Variants in NRXN1 observed in about 807,000 individuals in gnomAD.
NRXN1 encodes the protein neurexin-1.
A neutral mutation model predicts 150.9 loss-of-function variants in NRXN1; 39 were observed. That is an observed-to-expected ratio of 0.26 (90% CI 0.20 to 0.34). NRXN1 has a LOEUF of 0.34. NRXN1 is among the 10% of genes least tolerant of loss of function. NRXN1 has a pLI of 1.00. For missense variants in NRXN1, 1,815 were observed against 1,949.9 expected (o/e 0.93, Z 1.30); for synonymous variants, 924 against 757.0 (o/e 1.22, Z -3.62).
chr2:50,183,351 G>A (rs960391248), intron 18 of NRXN1, among the ~76,000 whole-genome samples: 10 of 151,982 alleles, frequency 6.6e-5, no homozygotes, highest in African/African-American at 2.4e-4. Context: ...ATCGACAAGT[G>A]TAATAAAATT....
intron 5 of NRXN1, among the ~76,000 whole-genome samples, chr2:50,694,913 G>C (rs1311744717): frequency 2.0e-5 from 3 of 152,112 alleles, no homozygotes; most frequent in African/African-American, 7.2e-5. Flanking sequence ...TTTAGATCCT[G>C]GTGACTGTTC....
In NRXN1 at chr2:51,027,921, C is replaced by T. The variant is rs796052775; in HGVS notation, c.353G>A (p.Arg118His). Residue 118 changes from arginine (R) to histidine (H), a missense_variant, in exon 2 of 23, where the codon CGC becomes CAC. Transcript: ENST00000401669. ...GGTGTTGCGGAACTGGCGGCGGATG[C>T]GCACGCTGTGCCAGGCGCCGTCGTT... ...PVNDGAWHSVRIRRQFRNTTL... is the reference protein window; with the variant it reads ...PVNDGAWHSVHIRRQFRNTTL... 5.6e-6 allele frequency: 9 copies of T among 1,606,774 alleles called. No homozygotes were observed. Among genetic ancestry groups the T allele is most frequent in the African/African-American group, 1.3e-5 (1 of 74,908 alleles).
intron 5 of NRXN1, among the ~76,000 whole-genome samples, chr2:50,887,524 C>G (rs756742399): frequency 1.1e-4 from 16 of 151,330 alleles, no homozygotes; most frequent in Admixed American, 5.3e-4. Context: ...GAGAAAATGG[C>G]TCCAATCATT....
At chr2:50,525,769 C>A (rs2092934644) in intron 12 of NRXN1, among the ~76,000 whole-genome samples, 1 of 152,092 alleles carries the variant, frequency 6.6e-6, no homozygotes, top group South Asian at 2.1e-4. Flanking sequence ...TGAAAAGAGG[C>A]TCTCTTCTTC....
intron 21 of NRXN1, among the ~76,000 whole-genome samples, chr2:50,010,378 TGGAG>T (rs1685459015): frequency 6.6e-6 from 1 of 152,156 alleles, no homozygotes; most frequent in Admixed American, 6.5e-5. Context: ...CAGGCTTCCT[TGGAG>T]CCTGATGTTA....
chr2:50,516,105 G>C (rs2092623482), intron 12 of NRXN1, among the ~76,000 whole-genome samples: 1 of 152,128 alleles, frequency 6.6e-6, no homozygotes. Flanking sequence ...GAATCAGCTA[G>C]AACATTCAAT....
chr2:50,503,026 G>T (rs1280032849), intron 13 of NRXN1, among the ~76,000 whole-genome samples: 1 of 152,054 alleles, frequency 6.6e-6, no homozygotes, highest in East Asian at 1.9e-4. Flanking sequence ...GTAAGAAAAG[G>T]GCCAGGCACG....
chr2:50,042,637 C>T lies in NRXN1; in HGVS notation c.4128+10634G>A, dbSNP rs368356040. Among the ~76,000 whole-genome samples, 8 of 152,000 alleles carry T rather than the reference C, an allele frequency of 5.3e-5. 1 individual carries two copies. The highest frequency in any genetic ancestry group is 1.3e-4 in the Admixed American group (2 of 15,256). On this transcript the variant is annotated intron_variant, in intron 21 of 22. Transcript: ENST00000401669. ...CTGTGTTCATTATTTATTCAAAAAC[C>T]ACTTACTAAGTGTCCTTTTTGTATC...
Position 50,539,194 on chromosome 2 carries a change from C to T in NRXN1, c.1760-558G>A, listed in dbSNP as rs79954958. ...TTTTGTTTCCCTTACTCATAATATG[C>T]GCATAATAATATTACCTACCTTATA... On this transcript the variant is annotated intron_variant, in intron 9 of 22. Coordinates refer to ENST00000401669, the MANE Select transcript of NRXN1 (RefSeq NM_001330078.2). 6.7e-3 allele frequency among the ~76,000 whole-genome samples: 1,012 copies of T among 152,168 alleles called. 6 individuals carry two copies. Among genetic ancestry groups the T allele is most frequent in the African/African-American group, 0.022 (929 of 41,520 alleles).
At chr2:50,867,189 T>A (rs952233882) in intron 5 of NRXN1, among the ~76,000 whole-genome samples, 5 of 151,894 alleles carry the variant, frequency 3.3e-5, no homozygotes, top group Non-Finnish European at 7.4e-5. Context: ...AATATATTCT[T>A]CTTTAAACAT....
intron 15 of NRXN1, among the ~76,000 whole-genome samples, chr2:50,491,320 C>A (rs551704633): frequency 1.3e-5 from 2 of 152,176 alleles, no homozygotes; most frequent in Non-Finnish European, 2.9e-5. Context: ...GTAATAGCAA[C>A]TGGTCAGAGA....
chr2:50,890,644 G>A (rs143744381), intron 5 of NRXN1, among the ~76,000 whole-genome samples: 311 of 151,734 alleles, frequency 2.0e-3, no homozygotes, highest in African/African-American at 7.0e-3. Context: ...GATTATTGCA[G>A]GAGAACTTTT....
At chr2:50,476,827 C>G (rs2090028504) in intron 15 of NRXN1, among the ~76,000 whole-genome samples, 1 of 152,032 alleles carries the variant, frequency 6.6e-6, no homozygotes. Flanking sequence ...GGCATTGAAT[C>G]TGGTAATATA....
At chr2:50,962,347 C>A (rs1387954181) in intron 2 of NRXN1, among the ~76,000 whole-genome samples, 1 of 151,584 alleles carries the variant, frequency 6.6e-6, no homozygotes, top group African/African-American at 2.4e-5. Context: ...CCTCTTGTTT[C>A]TTTTTTAGTA....
intron 8 of NRXN1, among the ~76,000 whole-genome samples, chr2:50,566,057 G>A (rs564046672): frequency 6.6e-6 from 1 of 152,210 alleles, no homozygotes; most frequent in East Asian, 1.9e-4. Context: ...ATGCTGACCC[G>A]ACACTAGGTT....
chr2:50,369,323 C>A (rs2079836451), intron 17 of NRXN1, among the ~76,000 whole-genome samples: 1 of 151,910 alleles, frequency 6.6e-6, no homozygotes, highest in Admixed American at 6.6e-5. Context: ...TTAAACACTT[C>A]CACACTTAAC....
At chr2:50,411,672 G>A (rs922025929) in intron 17 of NRXN1, among the ~76,000 whole-genome samples, 5 of 144,468 alleles carry the variant, frequency 3.5e-5, no homozygotes, top group Admixed American at 2.1e-4. Flanking sequence ...CCCTCCGCCC[G>A]GCAGCCGCCC....
chr2:50,460,316 G>C (rs1182082444), intron 17 of NRXN1, among the ~76,000 whole-genome samples: 1 of 152,190 alleles, frequency 6.6e-6, no homozygotes, highest in Admixed American at 6.6e-5. Context: ...CATTCTGACT[G>C]GGTTTGCTTC....
At chr2:50,667,760 C>A (rs1336048607) in intron 5 of NRXN1, among the ~76,000 whole-genome samples, 1 of 151,864 alleles carries the variant, frequency 6.6e-6, no homozygotes, top group Non-Finnish European at 1.5e-5. Context: ...TGTTTTTACC[C>A]CTGGCTTTAT....
Sources: allele counts gnomAD v4.1 joint callset (sites outside exome capture counted in the v4.1 genomes callset), GRCh38; gene constraint gnomAD v4.1.1; transcripts MANE v1.5; gene names NCBI Gene and HGNC (gene_info 2026-07-23, HGNC 2026-07-21).